The following ZNRF1 variants were observed in gnomAD, a reference collection of about 807,000 sequenced individuals.
ZNRF1 encodes zinc and ring finger 1, also known as E3 ubiquitin-protein ligase ZNRF1.
Under a neutral mutation model 18.4 loss-of-function variants are expected in ZNRF1, and 3 were observed. The observed-to-expected ratio is 0.16, with a 90% CI of 0.07 to 0.42. ZNRF1 has a LOEUF of 0.42. Ranked by LOEUF, ZNRF1 falls within the 10% of genes least tolerant of loss-of-function variation. ZNRF1 has a pLI of 0.99. For synonymous variants in ZNRF1, 157 were observed against 144.2 expected, an observed-to-expected ratio of 1.09 and a Z score of -0.64; for missense variants, 310 against 329.8, an observed-to-expected ratio of 0.94 and a Z score of 0.47.
At chr16:75,045,352 A>G (rs998550023) in intron 1 of ZNRF1, among the ~76,000 whole-genome samples, 2 of 151,958 alleles carry the variant, frequency 1.3e-5, no homozygotes, top group African/African-American at 4.8e-5. Context: ...TTTTTTTTCT[A>G]TTAGGAAAAG....
chr16:75,008,892 G>A (rs2034958626), intron 1 of ZNRF1, among the ~76,000 whole-genome samples: 1 of 152,080 alleles, frequency 6.6e-6, no homozygotes, highest in Non-Finnish European at 1.5e-5. Context: ...CCCTATTTCT[G>A]GGTTGGGGCA....
intron 1 of ZNRF1, among the ~76,000 whole-genome samples, chr16:75,029,128 ATTATT>A (rs1439399523): frequency 3.4e-5 from 4 of 119,096 alleles, no homozygotes; most frequent in African/African-American, 9.4e-5. Flanking sequence ...TGACTTTTTT[ATTATT>A]TTATTTTATT....
At chr16:75,051,269 A>G (rs529093050) in intron 1 of ZNRF1, among the ~76,000 whole-genome samples, 4 of 152,006 alleles carry the variant, frequency 2.6e-5, no homozygotes, top group Non-Finnish European at 5.9e-5. Context: ...GTGCAGTGGC[A>G]CAATCTCAGC....
At chr16:75,009,270 TG>T (rs2034963797) in intron 1 of ZNRF1, among the ~76,000 whole-genome samples, 1 of 152,222 alleles carries the variant, frequency 6.6e-6, no homozygotes, top group Non-Finnish European at 1.5e-5. Context: ...AGTTTTGTTT[TG>T]TTTTTTTAAC....
chr16:75,100,382 C>T (rs2145427650), intron 2 of ZNRF1, among the ~76,000 whole-genome samples: 1 of 152,334 alleles, frequency 6.6e-6, no homozygotes, highest in South Asian at 2.1e-4. Flanking sequence ...CCCTCGCGCC[C>T]CCTTCCCCTT....
At chr16:75,065,733 G>A (rs953507232) in intron 1 of ZNRF1, among the ~76,000 whole-genome samples, 5 of 152,094 alleles carry the variant, frequency 3.3e-5, no homozygotes, top group African/African-American at 7.2e-5. Flanking sequence ...CACATTCTTC[G>A]TGTCTATAAC....
At chr16:75,106,261 C>T (rs570094298) in intron 3 of ZNRF1, 9 of 561,600 alleles carry the variant, frequency 1.6e-5, no homozygotes, top group East Asian at 3.1e-5. Flanking sequence ...CCCCCTGAGC[C>T]GGTACTGCTG....
intron 4 of ZNRF1, 90 bp downstream of exon 4, chr16:75,106,661 T>A: frequency 1.0e-6 from 1 of 998,040 alleles, no homozygotes; most frequent in Non-Finnish European, 1.5e-6. Flanking sequence ...GCTGCCCTTA[T>A]GCCACTGAGA....
chr16:75,030,934 G>A (rs941362926), intron 1 of ZNRF1, among the ~76,000 whole-genome samples: 2 of 148,086 alleles, frequency 1.4e-5, no homozygotes, highest in Non-Finnish European at 1.5e-5. Context: ...TCCGCCTCCC[G>A]GGTTCAAGCA....
intron 1 of ZNRF1, among the ~76,000 whole-genome samples, chr16:75,026,602 A>T (rs1035128676): frequency 7.9e-5 from 12 of 152,220 alleles, no homozygotes; most frequent in East Asian, 5.8e-4. Context: ...TTATTAAAAA[A>T]ATATATACAA....
intron 1 of ZNRF1, among the ~76,000 whole-genome samples, chr16:75,083,867 TAGAAAG>T (rs2036043485): frequency 6.6e-6 from 1 of 152,026 alleles, no homozygotes; most frequent in Admixed American, 6.5e-5. Flanking sequence ...GCAGGAGTAC[TAGAAAG>T]AGAAAGGGTA....
intron 1 of ZNRF1, among the ~76,000 whole-genome samples, chr16:75,079,709 T>C (rs2035986660): frequency 6.6e-6 from 1 of 152,176 alleles, no homozygotes; most frequent in Non-Finnish European, 1.5e-5. Flanking sequence ...TTCTTCCTCT[T>C]AGATGCCATT....
intron 1 of ZNRF1, chr16:75,084,621 G>A (rs2036053268): frequency 6.6e-6 from 1 of 152,228 alleles, no homozygotes; most frequent in Non-Finnish European, 1.5e-5. Context: ...CCATTCAGCT[G>A]TCAGAATGAA....
At chr16:75,037,281 TAAAC>T (rs1447803207) in intron 1 of ZNRF1, among the ~76,000 whole-genome samples, 8 of 152,216 alleles carry the variant, frequency 5.3e-5, no homozygotes, top group Non-Finnish European at 8.8e-5. Context: ...CCTCATTTAT[TAAAC>T]AAGGCAGCCG....
At chr16:75,061,703 G>C (rs1185690068) in intron 1 of ZNRF1, among the ~76,000 whole-genome samples, 5 of 152,136 alleles carry the variant, frequency 3.3e-5, no homozygotes, top group Non-Finnish European at 7.3e-5. Context: ...TGATGGCAAA[G>C]TTACCTAGGG....
At chr16:75,015,640 G>A (rs1281308113) in intron 1 of ZNRF1, among the ~76,000 whole-genome samples, 1 of 152,102 alleles carries the variant, frequency 6.6e-6, no homozygotes, top group Non-Finnish European at 1.5e-5. Flanking sequence ...CTGGACTGTA[G>A]TGGCGCCATC....
chr16:75,066,252 G>A (rs1447630978), intron 1 of ZNRF1, among the ~76,000 whole-genome samples: 1 of 152,104 alleles, frequency 6.6e-6, no homozygotes, highest in African/African-American at 2.4e-5. Context: ...CAGATAACTG[G>A]CCTAATAGTG....
intron 1 of ZNRF1, among the ~76,000 whole-genome samples, chr16:75,038,795 G>C (rs1487273394): frequency 1.3e-5 from 2 of 152,138 alleles, no homozygotes; most frequent in African/African-American, 4.8e-5. Context: ...TGTGCAAGAT[G>C]ATGAGTCCTC....
At chr16:75,104,753 C>G (rs2036293939) in intron 2 of ZNRF1, 31 bp from the exon 3 acceptor site, 1 of 1,562,482 alleles carries the variant, frequency 6.4e-7, no homozygotes. Context: ...GGTGACTAAC[C>G]CTCCTGCACT....
Sources: gnomAD v4.1 joint callset for allele counts (sites outside exome capture counted in the v4.1 genomes callset) on GRCh38, gnomAD v4.1.1 for gene constraint, MANE v1.5 for transcripts, NCBI Gene and HGNC (gene_info 2026-07-23, HGNC 2026-07-21) for gene names.